Variants in SEC14L5 observed in about 807,000 individuals in gnomAD.
The protein encoded by SEC14L5 is SEC14-like protein 5.
In SEC14L5, 96 loss-of-function variants were observed where a neutral mutation model predicts 84.6. The observed-to-expected ratio is 1.13, with a 90% confidence interval of 0.96 to 1.34. SEC14L5 has a LOEUF of 1.34. Ranked by LOEUF, SEC14L5 falls within the 40% of genes most tolerant of loss-of-function variation. SEC14L5 has a pLI of 0.00. For synonymous variants in SEC14L5, 546 were observed against 383.4 expected (o/e 1.42, Z -4.95); for missense variants, 1,224 against 942.5 (o/e 1.30, Z -3.91).
chr16:4,993,934 G>T (rs1041410365), intron 6 of SEC14L5, among the ~76,000 whole-genome samples: 3 of 149,896 alleles, frequency 2.0e-5, no homozygotes, highest in Non-Finnish European at 4.4e-5. Context: ...AGCAAGATCA[G>T]GCATGATTTT....
intron 2 of SEC14L5, among the ~76,000 whole-genome samples, chr16:4,970,637 G>A (rs1049809997): frequency 4.6e-5 from 7 of 152,190 alleles, no homozygotes; most frequent in African/African-American, 1.7e-4. Flanking sequence ...GAGTCCCTGG[G>A]CCCCGCTCCT....
chr16:5,001,861 C>G (rs1038601984), intron 10 of SEC14L5, among the ~76,000 whole-genome samples: 2 of 152,150 alleles, frequency 1.3e-5, no homozygotes, highest in Non-Finnish European at 2.9e-5. Flanking sequence ...CGGCCTTGAC[C>G]TGCTGGGCTC....
rs551099885 is a variant in SEC14L5 at position 5,007,885 on chromosome 16, C to T, written c.1572+399C>T. ...CCTCCCAAAGTTCTGGGATTATAGG[C>T]GGGAGCCACGGCGCCTGGCCTCTTT... On this transcript the variant is annotated intron_variant, in intron 13 of 15. Coordinates refer to ENST00000251170, the MANE Select transcript of SEC14L5 (RefSeq NM_014692.2). Among the ~76,000 whole-genome samples, 17 of 145,420 alleles carry T rather than the reference C, an allele frequency of 1.2e-4. No homozygotes were observed. In the East Asian group the frequency reaches 2.4e-3, roughly 21 times the overall value.
At chr16:4,986,642 T>A (rs1203434667) in intron 2 of SEC14L5, among the ~76,000 whole-genome samples, 1 of 152,244 alleles carries the variant, frequency 6.6e-6, no homozygotes, top group Non-Finnish European at 1.5e-5. Context: ...ATCTTAACAA[T>A]GTTAAGTCTT....
intron 13 of SEC14L5, among the ~76,000 whole-genome samples, 173 bp from the exon 14 acceptor site, chr16:5,008,248 C>T (rs1040149914): frequency 1.3e-5 from 2 of 152,108 alleles, no homozygotes; most frequent in African/African-American, 4.8e-5. Flanking sequence ...TGATCTGTTG[C>T]AGGCGAGGTC....
In SEC14L5 at chr16:4,987,601, C is replaced by T. The variant is rs1596627330; in HGVS notation, c.108C>T (p.Phe36=). The part of the protein sequence containing the change: ...RFPTCPQIPV[F]LGSEVLRESR... ...CCACGTGCCCACAGATCCCAGTCTT[C>T]CTGGGCAGCGAGGTCTTGCGCGAGT... Residue 36 remains phenylalanine, a synonymous_variant, in exon 3 of 16, where the codon TTC becomes TTT. Coordinates refer to ENST00000251170, the MANE Select transcript of SEC14L5 (RefSeq NM_014692.2). 6.4e-7 allele frequency: 1 copy of T among 1,561,274 alleles called. No individual in the cohort carries two copies. Among genetic ancestry groups the T allele is most frequent in the South Asian group, 1.2e-5 (1 of 84,722 alleles).
At chr16:4,991,573 A>C in intron 5 of SEC14L5, among the ~76,000 whole-genome samples, 1 of 152,074 alleles carries the variant, frequency 6.6e-6, no homozygotes, top group East Asian at 1.9e-4. Flanking sequence ...CTCAAAAAAA[A>C]TAAACAAAAA....
Position 5,005,904 on chromosome 16 carries a change from C to T in SEC14L5, c.1303-10C>T, listed in dbSNP as rs1232618922. On this transcript the variant is annotated splice_polypyrimidine_tract_variant and intron_variant, in intron 11 of 15. Transcript: ENST00000251170. ...AAAACCATCCATCTTGCCTTATGTC[C>T]TGGTTTCAGATCAGCCCCTTCATCA... 1 of 1,509,022 alleles carries T rather than the reference C, an allele frequency of 6.6e-7. No individual in the cohort carries two copies. The highest frequency in any genetic ancestry group is 1.4e-5 in the African/African-American group (1 of 71,298). 93.5% of individuals were successfully genotyped at this position (1,509,022 alleles called of 1,614,324 possible).
rs771442099 is a variant in SEC14L5, at chr16:5,006,060, A to G, written c.1437+12A>G. On this transcript the variant is annotated intron_variant, in intron 12 of 15. Transcript: ENST00000251170. ...GGGGAGAGAGTGTGGTGAGGCTTCC[A>G]TGTCCACAGACAGACCTGGGCTTGA... The G allele has an allele frequency of 1.2e-6, 2 of 1,612,902 alleles. No homozygotes were observed. The highest frequency in any genetic ancestry group is 8.5e-7 in the Non-Finnish European group (1 of 1,179,358).
At chr16:4,982,979 T>A (rs35874188) in intron 2 of SEC14L5, among the ~76,000 whole-genome samples, 2 of 152,058 alleles carry the variant, frequency 1.3e-5, no homozygotes, top group African/African-American at 4.8e-5. Flanking sequence ...AATAAACTCC[T>A]TAAACTACTC....
rs1345697162 is a variant in SEC14L5 at position 4,991,773 on chromosome 16, G to C, written c.475-65G>C. Reference sequence around the variant, plus strand: ...AGCCGGCTGGGGGTGACTCCCTGTGGTGATCCTGTGACCCCCCTCCATCCT... The same window carrying C: ...AGCCGGCTGGGGGTGACTCCCTGTGCTGATCCTGTGACCCCCCTCCATCCT... On this transcript the variant is annotated intron_variant, in intron 5 of 15. Coordinates refer to ENST00000251170, the MANE Select transcript of SEC14L5 (RefSeq NM_014692.2). 2.6e-6 allele frequency: 3 copies of C among 1,148,316 alleles called. No homozygotes were observed. In the Admixed American group the frequency reaches 7.4e-5, roughly 28 times the overall value. 71.1% of individuals were successfully genotyped at this position (1,148,316 alleles called of 1,614,324 possible).
intron 11 of SEC14L5, 145 bp from the exon 12 acceptor site, chr16:5,005,769 C>T: frequency 2.7e-6 from 2 of 731,604 alleles, no homozygotes; most frequent in Non-Finnish European, 4.2e-6. Flanking sequence ...GAGGCTGAGG[C>T]AGGAGGATGG....
At chr16:5,008,971 T>C (rs1568152080) in intron 14 of SEC14L5, among the ~76,000 whole-genome samples, 1 of 152,188 alleles carries the variant, frequency 6.6e-6, no homozygotes, top group East Asian at 1.9e-4. Context: ...CTGTATTTGT[T>C]TCTTGGGGCT....
intron 11 of SEC14L5, among the ~76,000 whole-genome samples, chr16:5,004,974 A>G (rs1021461964): frequency 1.4e-4 from 21 of 152,346 alleles, no homozygotes; most frequent in African/African-American, 4.6e-4. Context: ...GAAAGGGGCC[A>G]GACACGGAAG....
At chr16:4,988,875 C>G (rs73510476) in intron 4 of SEC14L5, among the ~76,000 whole-genome samples, 7,490 of 152,356 alleles carry the variant, frequency 0.049, 630 homozygotes, top group African/African-American at 0.17. Flanking sequence ...GACCACTGCC[C>G]TCACGGAGGG....
chr16:4,962,796 C>T (rs573582468), intron 2 of SEC14L5, among the ~76,000 whole-genome samples: 39 of 152,132 alleles, frequency 2.6e-4, no homozygotes, highest in African/African-American at 9.4e-4. Context: ...TCCATACAGT[C>T]CTTGTCTGTG....
chr16:5,005,051 C>T (rs1006886049), intron 11 of SEC14L5, among the ~76,000 whole-genome samples: 1 of 152,216 alleles, frequency 6.6e-6, no homozygotes, highest in Non-Finnish European at 1.5e-5. Flanking sequence ...TGGCTCACGC[C>T]TGTAATCCCA....
chr16:5,004,146 G>T (rs146876589), intron 11 of SEC14L5, among the ~76,000 whole-genome samples: 5 of 152,344 alleles, frequency 3.3e-5, no homozygotes, highest in Admixed American at 6.5e-5. Context: ...CAAAAGGGAC[G>T]ACAGCACCTG....
At position 5,010,188 on chromosome 16, in the gene SEC14L5, CAAAAAAAAAAAAAAAAAA is replaced by C. The variant is rs59942135; in HGVS notation, c.1801-895_1801-878del. On this transcript the variant is annotated intron_variant, in intron 14 of 15. Coordinates refer to ENST00000251170, the MANE Select transcript of SEC14L5 (RefSeq NM_014692.2). ...TGAAACTCCGTCTCTACTAAAAATA[CAAAAAAAAAAAAAAAAAA>C]AAAAAAAAAAAGCGAGGTGTGGTGG... 3.9e-4 allele frequency among the ~76,000 whole-genome samples: 17 copies of C among 43,652 alleles called. No homozygotes were observed. In the Admixed American group the frequency reaches 4.2e-3, roughly 11 times the overall value. 28.6% of individuals were successfully genotyped at this position (43,652 alleles called of 152,430 possible).
Sources: gnomAD v4.1 joint callset for allele counts (sites outside exome capture counted in the v4.1 genomes callset) on GRCh38, gnomAD v4.1.1 for gene constraint, MANE v1.5 for transcripts, NCBI Gene and HGNC (gene_info 2026-07-23, HGNC 2026-07-21) for gene names.